Variants in MECOM observed in about 807,000 individuals in gnomAD.
MECOM encodes the protein histone-lysine N-methyltransferase MECOM.
Under a neutral mutation model 116.3 loss-of-function variants are expected in MECOM, and 13 were observed. That is an observed-to-expected ratio of 0.11 (90% CI 0.07 to 0.18). The LOEUF (loss-of-function observed/expected upper bound fraction) is 0.18, where lower values mean the gene tolerates loss of function less well. MECOM is among the 10% of genes least tolerant of loss of function. The probability of loss-of-function intolerance (pLI) is 1.00; values close to 1 mark genes in which losing one functional copy is unlikely to be tolerated. For missense variants in MECOM, 1,299 were observed against 1,509.0 expected, an observed-to-expected ratio of 0.86 and a Z score of 2.31; for synonymous variants, 528 against 535.2, an observed-to-expected ratio of 0.99 and a Z score of 0.19.
At chr3:169,499,868 T>C (rs1183306168) in intron 1 of MECOM, among the ~76,000 whole-genome samples, 2 of 151,968 alleles carry the variant, frequency 1.3e-5, no homozygotes. Flanking sequence ...ATAATGTATA[T>C]TAAGGGTAAC....
chr3:169,177,896 G>A (rs1745398514), intron 2 of MECOM, among the ~76,000 whole-genome samples: 1 of 151,298 alleles, frequency 6.6e-6, no homozygotes, highest in East Asian at 2.0e-4. Context: ...TCCAGCCTGG[G>A]CGACAAGAGC....
At chr3:169,165,850 TA>T (rs1743509954) in intron 2 of MECOM, among the ~76,000 whole-genome samples, 2 of 152,196 alleles carry the variant, frequency 1.3e-5, no homozygotes, top group African/African-American at 2.4e-5. Context: ...TATGCTGGGT[TA>T]TTTTTTTAAA....
chr3:169,473,318 C>T (rs1749843544), intron 1 of MECOM, among the ~76,000 whole-genome samples: 1 of 151,948 alleles, frequency 6.6e-6, no homozygotes, highest in African/African-American at 2.4e-5. Context: ...AACACAAGAG[C>T]GAATATATGA....
At chr3:169,107,992 G>A (rs776023960) in intron 9 of MECOM, 40 bp from the exon 10 acceptor site, 2 of 1,578,700 alleles carry the variant, frequency 1.3e-6, no homozygotes, top group Middle Eastern at 1.7e-4. Context: ...AATTACTTCT[G>A]TGTTGGTATC....
chr3:169,286,825 G>GC (rs1374183539), intron 2 of MECOM, among the ~76,000 whole-genome samples: 1 of 151,980 alleles, frequency 6.6e-6, no homozygotes, highest in Admixed American at 6.6e-5. Flanking sequence ...CAATTCCAAC[G>GC]CCCCGAGAAG....
intron 1 of MECOM, among the ~76,000 whole-genome samples, chr3:169,559,042 A>G (rs200334625): frequency 0.16 from 23,018 of 144,018 alleles, 2,031 homozygotes; most frequent in East Asian, 0.4. Flanking sequence ...ATACACACAC[A>G]CGCGCACACA....
At chr3:169,390,071 A>G (rs1310917297) in intron 1 of MECOM, among the ~76,000 whole-genome samples, 2 of 152,124 alleles carry the variant, frequency 1.3e-5, no homozygotes, top group African/African-American at 4.8e-5. Context: ...TTGCGTCAAT[A>G]TGTTGCTGAA....
At chr3:169,383,358 A>G (rs1042764676) in intron 1 of MECOM, among the ~76,000 whole-genome samples, 24 of 152,136 alleles carry the variant, frequency 1.6e-4, no homozygotes, top group African/African-American at 5.8e-4. Flanking sequence ...TGTCCAAAAT[A>G]TTGTACCTTA....
intron 1 of MECOM, among the ~76,000 whole-genome samples, chr3:169,526,259 G>C (rs1193138974): frequency 6.6e-6 from 1 of 152,118 alleles, no homozygotes; most frequent in East Asian, 1.9e-4. Flanking sequence ...AAGCCAGTCA[G>C]GTTCCTGGAC....
chr3:169,542,441 T>C (rs1760201331), intron 1 of MECOM, among the ~76,000 whole-genome samples: 1 of 152,188 alleles, frequency 6.6e-6, no homozygotes, highest in South Asian at 2.1e-4. Flanking sequence ...TTTAGTTGGC[T>C]ACAACAGGGG....
At chr3:169,449,516 A>G (rs1431355845) in intron 1 of MECOM, among the ~76,000 whole-genome samples, 3 of 152,180 alleles carry the variant, frequency 2.0e-5, no homozygotes, top group African/African-American at 7.2e-5. Context: ...TGACTGCTTC[A>G]TTATAGCTAT....
chr3:169,458,485 G>T (rs1746883993), intron 1 of MECOM, among the ~76,000 whole-genome samples: 1 of 152,184 alleles, frequency 6.6e-6, no homozygotes, highest in Non-Finnish European at 1.5e-5. Flanking sequence ...CTGCTCCCGA[G>T]TCCCTGGGGG....
At chr3:169,662,571 GC>G in intron 1 of MECOM, among the ~76,000 whole-genome samples, 1 of 150,472 alleles carries the variant, frequency 6.6e-6, no homozygotes, top group South Asian at 2.1e-4. Flanking sequence ...CTCTGCCCGT[GC>G]CCCCGCCCCC....
At chr3:169,579,747 G>C (rs908235994) in intron 1 of MECOM, among the ~76,000 whole-genome samples, 3 of 152,164 alleles carry the variant, frequency 2.0e-5, no homozygotes, top group African/African-American at 7.2e-5. Flanking sequence ...GATTCTCTTG[G>C]ACTGAACATG....
chr3:169,332,489 A>G (rs569168259), intron 2 of MECOM, among the ~76,000 whole-genome samples: 2 of 152,292 alleles, frequency 1.3e-5, no homozygotes, highest in African/African-American at 4.8e-5. Context: ...AAAATGTGTT[A>G]TTAGTGCTCA....
intron 1 of MECOM, among the ~76,000 whole-genome samples, chr3:169,483,310 C>T (rs1192555309): frequency 1.3e-5 from 2 of 148,342 alleles, no homozygotes; most frequent in African/African-American, 5.0e-5. Context: ...GAGAAGCCCA[C>T]TTGTATCCCT....
At chr3:169,449,558 G>A (rs190812888) in intron 1 of MECOM, among the ~76,000 whole-genome samples, 187 of 152,240 alleles carry the variant, frequency 1.2e-3, no homozygotes, top group African/African-American at 3.9e-3. Context: ...AAAGAGCCAC[G>A]CCTAGAGACT....
At chr3:169,203,432 A>G (rs1749470843) in intron 2 of MECOM, among the ~76,000 whole-genome samples, 1 of 152,114 alleles carries the variant, frequency 6.6e-6, no homozygotes, top group Admixed American at 6.6e-5. Flanking sequence ...ACTTACTTTC[A>G]CCATTTAAAA....
At chr3:169,102,517 C>A (rs78983041) in intron 10 of MECOM, among the ~76,000 whole-genome samples, 12 of 152,086 alleles carry the variant, frequency 7.9e-5, no homozygotes, top group Non-Finnish European at 1.5e-4. Context: ...CATAAGAGAG[C>A]CAATAAAGCC....
Sources: gnomAD v4.1 joint callset for allele counts (sites outside exome capture counted in the v4.1 genomes callset) on GRCh38, gnomAD v4.1.1 for gene constraint, MANE v1.5 for transcripts, NCBI Gene and HGNC (gene_info 2026-07-23, HGNC 2026-07-21) for gene names.